VPS8: variants seen among roughly 807,000 people sequenced by gnomAD.
The protein encoded by VPS8 is vacuolar protein sorting-associated protein 8 homolog.
VPS8 carries 129 observed loss-of-function variants against 216.4 expected under a neutral mutation model. The ratio of observed to expected loss-of-function variants is 0.60; its 90% CI spans 0.52 to 0.69. The LOEUF (loss-of-function observed/expected upper bound fraction) is 0.69, where lower values mean the gene tolerates loss of function less well. VPS8 is among the 30% of genes least tolerant of loss of function. The probability of loss-of-function intolerance (pLI) is 0.00; values close to 1 mark genes in which losing one functional copy is unlikely to be tolerated. For synonymous variants in VPS8, 571 were observed against 565.4 expected (o/e 1.01, Z -0.14); for missense variants, 1,531 against 1,683.5 (o/e 0.91, Z 1.59).
intron 45 of VPS8, among the ~76,000 whole-genome samples, chr3:185,005,250 A>G (rs1754084110): frequency 6.6e-6 from 1 of 152,184 alleles, no homozygotes; most frequent in African/African-American, 2.4e-5. Flanking sequence ...TTTTTATACC[A>G]GTACCATGTT....
chr3:185,022,148 G>A (rs771314250), intron 45 of VPS8, among the ~76,000 whole-genome samples: 41 of 152,174 alleles, frequency 2.7e-4, no homozygotes, highest in Non-Finnish European at 5.4e-4. Context: ...TTTTATAAGG[G>A]GCTTTTCCCC....
At chr3:185,010,163 A>G (rs1207387973) in intron 45 of VPS8, among the ~76,000 whole-genome samples, 1 of 152,198 alleles carries the variant, frequency 6.6e-6, no homozygotes, top group East Asian at 1.9e-4. Flanking sequence ...GGGGAAAAAA[A>G]TTAACTTTAA....
At chr3:184,993,879 C>A in intron 42 of VPS8, 104 bp from the exon 43 acceptor site, 1 of 842,484 alleles carries the variant, frequency 1.2e-6, no homozygotes, top group Non-Finnish European at 1.8e-6. Flanking sequence ...TATTTTGTGA[C>A]TGTAGAAAAA....
chr3:184,969,958 G>A (rs1378608870), intron 39 of VPS8, among the ~76,000 whole-genome samples: 1 of 131,172 alleles, frequency 7.6e-6, no homozygotes, highest in Non-Finnish European at 1.5e-5. Context: ...TGCCCAGGCT[G>A]GAGTGCAGTG....
intron 11 of VPS8, 64 bp from the exon 12 acceptor site, chr3:184,853,793 G>GTAGA: frequency 6.6e-7 from 1 of 1,526,034 alleles, no homozygotes; most frequent in Non-Finnish European, 8.9e-7. Flanking sequence ...AGTAGTCCAG[G>GTAGA]TAGAGATAGT....
intron 46 of VPS8, among the ~76,000 whole-genome samples, chr3:185,026,336 G>C (rs1757343208): frequency 6.6e-6 from 1 of 151,888 alleles, no homozygotes; most frequent in Non-Finnish European, 1.5e-5. Context: ...AAGGACTTGA[G>C]CATCCATGGA....
chr3:184,912,990 A>T (rs982935378), intron 25 of VPS8, among the ~76,000 whole-genome samples: 1 of 152,228 alleles, frequency 6.6e-6, no homozygotes, highest in Non-Finnish European at 1.5e-5. Context: ...TTAGTCAGAG[A>T]ACAGGCTCGT....
intron 45 of VPS8, among the ~76,000 whole-genome samples, chr3:185,008,858 A>C (rs1312564740): frequency 6.6e-6 from 1 of 152,236 alleles, no homozygotes; most frequent in Non-Finnish European, 1.5e-5. Context: ...CAGGTAAACA[A>C]GCATTATATC....
chr3:184,830,126 G>C (rs1719677955), intron 3 of VPS8, among the ~76,000 whole-genome samples: 2 of 151,992 alleles, frequency 1.3e-5, no homozygotes, highest in Non-Finnish European at 2.9e-5. Flanking sequence ...CTTCATTGTT[G>C]TTCCTTTCAT....
At chr3:184,868,641 G>C (rs1441405411) in intron 18 of VPS8, among the ~76,000 whole-genome samples, 1 of 152,152 alleles carries the variant, frequency 6.6e-6, no homozygotes, top group Non-Finnish European at 1.5e-5. Flanking sequence ...CTTGGGGTTT[G>C]TTACTACCAA....
intron 46 of VPS8, among the ~76,000 whole-genome samples, chr3:185,041,512 G>A (rs183175323): frequency 2.2e-4 from 34 of 152,224 alleles, no homozygotes; most frequent in Admixed American, 2.2e-3. Flanking sequence ...CGTCTTCTTG[G>A]ATGTTGAGAT....
intron 47 of VPS8, among the ~76,000 whole-genome samples, chr3:185,051,368 G>A (rs1314787161): frequency 1.3e-5 from 2 of 152,164 alleles, no homozygotes; most frequent in Non-Finnish European, 2.9e-5. Context: ...TGAGTTGGCA[G>A]CTGGGTGTCT....
intron 14 of VPS8, among the ~76,000 whole-genome samples, chr3:184,858,577 G>C (rs972663983): frequency 1.3e-5 from 2 of 152,190 alleles, no homozygotes; most frequent in African/African-American, 2.4e-5. Flanking sequence ...ATGGTGGATC[G>C]AATTGCTCTC....
At chr3:184,915,162 G>A in intron 27 of VPS8, 109 bp downstream of exon 27, 10 of 1,354,850 alleles carry the variant, frequency 7.4e-6, no homozygotes, top group Non-Finnish European at 1.0e-5. Flanking sequence ...ATCACCTGTT[G>A]CAGGAGAGAG....
chr3:185,039,435 G>A (rs1161168128), intron 46 of VPS8, among the ~76,000 whole-genome samples: 4 of 152,052 alleles, frequency 2.6e-5, no homozygotes, highest in Non-Finnish European at 5.9e-5. Flanking sequence ...AGAAGGCAAA[G>A]GGGAGCCAAC....
At chr3:184,954,010 A>T (rs1257918277) in intron 36 of VPS8, among the ~76,000 whole-genome samples, 3 of 152,186 alleles carry the variant, frequency 2.0e-5, no homozygotes, top group Non-Finnish European at 4.4e-5. Context: ...TGTGCTTCTG[A>T]CCAACTAGGA....
intron 38 of VPS8, 24 bp downstream of exon 38, chr3:184,964,581 C>T (rs1747074000): frequency 7.2e-7 from 1 of 1,384,412 alleles, no homozygotes; most frequent in East Asian, 2.6e-5. Flanking sequence ...ATGTTTCTTT[C>T]ATCATATTTC....
intron 46 of VPS8, among the ~76,000 whole-genome samples, chr3:185,039,649 G>A (rs1308032588): frequency 1.3e-5 from 2 of 152,094 alleles, no homozygotes; most frequent in East Asian, 1.9e-4. Flanking sequence ...AAAAGGTTCA[G>A]GGGGTAGATT....
intron 14 of VPS8, among the ~76,000 whole-genome samples, chr3:184,858,108 G>A (rs965412017): frequency 1.3e-5 from 2 of 152,168 alleles, no homozygotes; most frequent in African/African-American, 2.4e-5. Flanking sequence ...AGGTTGAATT[G>A]AATGCCATGA....
Sources: allele counts gnomAD v4.1 joint callset (sites outside exome capture counted in the v4.1 genomes callset), GRCh38; gene constraint gnomAD v4.1.1; transcripts MANE v1.5; gene names NCBI Gene and HGNC (gene_info 2026-07-23, HGNC 2026-07-21).